AKR1E2: variants seen among roughly 807,000 people sequenced by gnomAD.
AKR1E2 encodes aldo-keto reductase family 1 member E2, also known as 1,5-anhydro-D-fructose reductase.
Under a neutral mutation model 41.9 loss-of-function variants are expected in AKR1E2, and 43 were observed. The observed-to-expected ratio is 1.03, with a 90% confidence interval of 0.80 to 1.32. AKR1E2 has a LOEUF of 1.32. AKR1E2 is among the 40% of genes most tolerant of loss of function. The pLI, the probability that AKR1E2 is intolerant of heterozygous loss-of-function variation, is 0.00. For missense variants in AKR1E2, 423 were observed against 396.5 expected, an observed-to-expected ratio of 1.07 and a Z score of -0.57; for synonymous variants, 121 against 138.9, an observed-to-expected ratio of 0.87 and a Z score of 0.91.
downstream of AKR1E2, among the ~76,000 whole-genome samples, chr10:4,851,432 A>G (rs1385871118): frequency 6.6e-6 from 1 of 152,240 alleles, no homozygotes; most frequent in Non-Finnish European, 1.5e-5. Flanking sequence ...CTAGGAGGCT[A>G]GAGCTGGACT....
chr10:4,864,324 G>A, the AKR1E2 span, among the ~76,000 whole-genome samples: 1 of 152,056 alleles, frequency 6.6e-6, no homozygotes, highest in Non-Finnish European at 1.5e-5. Flanking sequence ...ATCAATAAAC[G>A]TAATCCAGCA....
the AKR1E2 span, among the ~76,000 whole-genome samples, chr10:4,873,120 A>G: frequency 0.43 from 64,768 of 151,936 alleles, 15,295 homozygotes; most frequent in East Asian, 0.73. Context: ...AGGTGGTTGA[A>G]TTATGAGGGT....
rs1834429549 is a variant in AKR1E2, at chr10:4,847,617, G to A, written c.*87G>A. On this transcript the variant is annotated 3_prime_UTR_variant, in exon 10 of 10. Transcript: ENST00000298375. ...ACCCTCCTCTGTCATCACAGCGCCA[G>A]GGCAGCTGTGCCTGGGACAGGAGCC... 1 of 1,474,590 alleles carries A rather than the reference G, an allele frequency of 6.8e-7. No homozygotes were observed. The highest frequency in any genetic ancestry group is 1.4e-5 in the African/African-American group (1 of 71,678). The allele number at this position is 1,474,590 out of a possible 1,614,324, so 91.3% of individuals were successfully genotyped here.
the AKR1E2 span, among the ~76,000 whole-genome samples, chr10:4,861,473 C>T: frequency 6.6e-6 from 1 of 151,982 alleles, no homozygotes; most frequent in Non-Finnish European, 1.5e-5. Context: ...TGGGTTAAAG[C>T]GATTCTTGTG....
At chr10:4,825,435 C>A (rs1037472827), upstream of AKR1E2, among the ~76,000 whole-genome samples, 1 of 152,134 alleles carries the variant, frequency 6.6e-6, no homozygotes, top group African/African-American at 2.4e-5. Flanking sequence ...TGGGGGAGCC[C>A]AGTCCACTCA....
upstream of AKR1E2, among the ~76,000 whole-genome samples, chr10:4,825,370 G>T (rs925222987): frequency 7.9e-5 from 12 of 152,106 alleles, no homozygotes; most frequent in Non-Finnish European, 1.6e-4. Flanking sequence ...AGCTCCAGGA[G>T]AGATAAGAGG....
At chr10:4,847,435 TA>T (rs1232370119) in intron 9 of AKR1E2, 52 bp from the exon 10 acceptor site, 14 of 1,597,372 alleles carry the variant, frequency 8.8e-6, no homozygotes, top group Admixed American at 8.5e-5. Flanking sequence ...ATGTTTCTCT[TA>T]AAAAATAATC....
In AKR1E2 at chr10:4,842,255, G is replaced by T. The variant is rs11252774; in HGVS notation, c.754-166G>T. Among the ~76,000 whole-genome samples, 15,645 of 152,248 alleles carry T rather than the reference G, an allele frequency of 0.1. 904 individuals carry two copies. Among genetic ancestry groups the T allele is most frequent in the Middle Eastern group, 0.15 (43 of 294 alleles). Reference sequence around the variant, plus strand: ...TGATCTCCTCCTTGGGCTGATGGCTGTCATTACCAACATATTGACAGAGCT... The same window carrying T: ...TGATCTCCTCCTTGGGCTGATGGCTTTCATTACCAACATATTGACAGAGCT... On this transcript the variant is annotated intron_variant, in intron 7 of 9. Coordinates refer to ENST00000298375, the MANE Select transcript of AKR1E2 (RefSeq NM_001040177.3).
the AKR1E2 span, among the ~76,000 whole-genome samples, chr10:4,854,241 A>G: frequency 4.6e-5 from 7 of 151,906 alleles, no homozygotes; most frequent in Non-Finnish European, 1.0e-4. Context: ...CTACAGGTGC[A>G]TGCCACCACA....
At chr10:4,831,744 TG>T (rs1437029746) in intron 2 of AKR1E2, among the ~76,000 whole-genome samples, 3 of 152,034 alleles carry the variant, frequency 2.0e-5, no homozygotes, top group Non-Finnish European at 4.4e-5. Flanking sequence ...TGAGGCTGAG[TG>T]GTGGATAGGC....
At chr10:4,850,523 TG>T (rs1214155938), downstream of AKR1E2, among the ~76,000 whole-genome samples, 1 of 152,206 alleles carries the variant, frequency 6.6e-6, no homozygotes, top group Non-Finnish European at 1.5e-5. Context: ...AACTGCCAAC[TG>T]TTTCCCAAAG....
chr10:4,833,259 G>A, intron 2 of AKR1E2, 91 bp from the exon 3 acceptor site: 1 of 975,160 alleles, frequency 1.0e-6, no homozygotes. Context: ...GGCTATTTTG[G>A]GTTCAAGACA....
At position 4,826,321 on chromosome 10, in the gene AKR1E2, G is replaced by A. The variant is rs557813638; in HGVS notation, c.-4G>A. The stretch of plus-strand genomic sequence containing the variant: ...GCGGGGCGGCGGGGCGGCCGGCGGC[G>A]GCCATGGGAGATATCCCAGCCGTGG... On this transcript the variant is annotated 5_prime_UTR_variant, in exon 1 of 10. Transcript: ENST00000298375. 109 of 1,233,650 alleles carry A rather than the reference G, an allele frequency of 8.8e-5. No homozygotes were observed. In the African/African-American group the frequency reaches 1.5e-3, roughly 17 times the overall value. The allele number at this position is 1,233,650 out of a possible 1,614,324, so 76.4% of individuals were successfully genotyped here.
the AKR1E2 span, among the ~76,000 whole-genome samples, chr10:4,866,718 G>A: frequency 7.0e-6 from 1 of 143,750 alleles, no homozygotes; most frequent in Non-Finnish European, 1.5e-5. Context: ...TCGGCTCACT[G>A]CAGGCTCCGG....
chr10:4,849,057 A>G (rs111713433), downstream of AKR1E2, among the ~76,000 whole-genome samples: 28 of 152,278 alleles, frequency 1.8e-4, no homozygotes, highest in African/African-American at 5.5e-4. Context: ...CTTGGCCTCA[A>G]GAGAGGACTT....
rs953720551 is a variant in AKR1E2, at chr10:4,846,013, C to T, written c.838-1135C>T. On this transcript the variant is annotated intron_variant, in intron 8 of 9. Transcript: ENST00000298375. ...GCAGGGGGCTGCCCCGGCCCGCCCCCTGTGGCCCCAGTGCCGCTCAGAACT... is the reference window on the plus strand; with the variant it reads ...GCAGGGGGCTGCCCCGGCCCGCCCCTTGTGGCCCCAGTGCCGCTCAGAACT... The T allele has an allele frequency of 2.3e-5, 9 of 388,542 alleles. No individual in the cohort carries two copies. The Admixed American group carries it at 2.6e-4, about 11-fold the overall frequency. The allele number at this position is 388,542 out of a possible 1,614,324, so 24.1% of individuals were successfully genotyped here.
chr10:4,847,248 T>C lies in AKR1E2; in HGVS notation c.920+18T>C, dbSNP rs75310214. On this transcript the variant is annotated intron_variant, in intron 9 of 9. Transcript: ENST00000298375. ...TTCCCCATGTAAATATGGCTCCTTC[T>C]TTTTAAAACAGAGGGAAGAATATAC... is the stretch of plus-strand genomic sequence containing the variant. 6.2e-7 allele frequency: 1 copy of C among 1,613,676 alleles called. No individual in the cohort carries two copies. Among genetic ancestry groups the C allele is most frequent in the South Asian group, 1.1e-5 (1 of 90,986 alleles).
At chr10:4,862,851 T>C in the AKR1E2 span, among the ~76,000 whole-genome samples, 1 of 152,008 alleles carries the variant, frequency 6.6e-6, no homozygotes, top group East Asian at 1.9e-4. Flanking sequence ...CCAACAAAGA[T>C]CTAAAGAGAC....
chr10:4,841,387 C>T (rs1162156297), intron 6 of AKR1E2, among the ~76,000 whole-genome samples: 5 of 152,270 alleles, frequency 3.3e-5, no homozygotes. Flanking sequence ...GCGAACTTTT[C>T]TGAAAGTATC....
Sources: gnomAD v4.1 joint callset for allele counts (sites outside exome capture counted in the v4.1 genomes callset) on GRCh38, gnomAD v4.1.1 for gene constraint, MANE v1.5 for transcripts, NCBI Gene and HGNC (gene_info 2026-07-23, HGNC 2026-07-21) for gene names.